The following NKD2 variants were observed in gnomAD, a reference collection of about 807,000 sequenced individuals.
The protein encoded by NKD2 is NKD inhibitor of Wnt signaling pathway 2, also known as protein naked cuticle homolog 2.
Under a neutral mutation model 34.8 loss-of-function variants are expected in NKD2, and 43 were observed. That is an observed-to-expected ratio of 1.24 (90% confidence interval 0.97 to 1.60). NKD2 has a LOEUF of 1.60. Among genes scored for constraint, NKD2 ranks in the 40% most tolerant of loss-of-function variants. NKD2 has a pLI of 0.00. For synonymous variants in NKD2, 278 were observed against 265.1 expected (o/e 1.05, Z -0.47); for missense variants, 675 against 627.1 (o/e 1.08, Z -0.82).
chr5:1,035,238 ATGAG>A (rs1450000555), intron 7 of NKD2, 147 bp from the exon 8 acceptor site: 16 of 689,186 alleles, frequency 2.3e-5, no homozygotes, highest in East Asian at 8.2e-5. Flanking sequence ...GAGTTAATGA[ATGAG>A]TGAACAAGTG....
chr5:1,030,060 C>A (rs911119128), intron 3 of NKD2, among the ~76,000 whole-genome samples: 2 of 150,986 alleles, frequency 1.3e-5, no homozygotes, highest in African/African-American at 4.9e-5. Flanking sequence ...CCACACAGGT[C>A]CCCTGCACCC....
intron 4 of NKD2, 84 bp downstream of exon 4, chr5:1,032,296 A>G: frequency 9.3e-7 from 1 of 1,078,494 alleles, no homozygotes. Context: ...CACCCTTAAA[A>G]CAACCCCGTG....
chr5:1,028,919 G>A (rs545841148), intron 3 of NKD2, among the ~76,000 whole-genome samples: 11 of 152,316 alleles, frequency 7.2e-5, no homozygotes, highest in African/African-American at 2.6e-4. Flanking sequence ...GGGGCACATT[G>A]GGCCAGGCCT....
Position 1,012,449 on chromosome 5 carries a change from G to A in NKD2, c.141+2889G>A, listed in dbSNP as rs112055643. Among the ~76,000 whole-genome samples, 337 of 152,330 alleles carry A rather than the reference G, an allele frequency of 2.2e-3. 2 individuals carry two copies. The highest frequency in any genetic ancestry group is 7.7e-3 in the African/African-American group (319 of 41,582). ...AGGTCCCAGCTTACAGGAGGCACTC[G>A]CCAGTCCCATCCCCATGCCACGGCC... On this transcript the variant is annotated intron_variant, in intron 3 of 9. Transcript: ENST00000296849.
chr5:1,020,690 T>C (rs1170411862), intron 3 of NKD2, among the ~76,000 whole-genome samples: 14 of 150,682 alleles, frequency 9.3e-5, no homozygotes, highest in Admixed American at 3.3e-4. Context: ...TTTTTTTTTT[T>C]CTGCATGTGT....
intron 3 of NKD2, among the ~76,000 whole-genome samples, chr5:1,011,967 G>A (rs1298933823): frequency 6.6e-6 from 1 of 152,242 alleles, no homozygotes; most frequent in East Asian, 1.9e-4. Flanking sequence ...AAGGTCTGGA[G>A]AGTGGATTGT....
intron 3 of NKD2, among the ~76,000 whole-genome samples, chr5:1,016,551 A>C (rs1385420763): frequency 1.3e-5 from 2 of 152,232 alleles, no homozygotes; most frequent in African/African-American, 4.8e-5. Context: ...TTCAAATTGG[A>C]GATTATTTTA....
rs1480398488 is a variant in NKD2 at position 1,037,916 on chromosome 5, A to G, written c.899A>G (p.Gln300Arg). ...CATGCCGTACACCACCGCAGGTCAC[A>G]GGTGCTGGTGGAACACGTCGTGCCA... is the stretch of plus-strand genomic sequence containing the variant. ...DTHAVHHRRS[Q>R]VLVEHVVPAS... The change falls in exon 10 of 10, where the codon CAG (glutamine) becomes CGG (arginine). Residue 300 changes from glutamine (Q) to arginine (R), a missense_variant. Coordinates refer to ENST00000296849, the MANE Select transcript of NKD2 (RefSeq NM_033120.4). 6.2e-7 allele frequency: 1 copy of G among 1,607,264 alleles called. No individual in the cohort carries two copies. Among genetic ancestry groups the G allele is most frequent in the East Asian group, 2.2e-5 (1 of 44,820 alleles).
intron 3 of NKD2, among the ~76,000 whole-genome samples, chr5:1,026,245 G>A (rs1363251869): frequency 3.7e-5 from 1 of 26,692 alleles, no homozygotes; most frequent in African/African-American, 7.4e-5. Flanking sequence ...GCTAGTGGGC[G>A]TCTCAGCCCA....
chr5:1,023,814 G>T (rs1348758284), intron 3 of NKD2, among the ~76,000 whole-genome samples: 1 of 3,602 alleles, frequency 2.8e-4, no homozygotes, highest in African/African-American at 3.0e-4. Flanking sequence ...CTTCCCACCC[G>T]CTGTGGGCGT....
At position 1,038,886 on chromosome 5, in the gene NKD2, C is replaced by T. The variant is rs758541879; in HGVS notation, c.*513C>T. On this transcript the variant is annotated 3_prime_UTR_variant, in exon 10 of 10. Transcript: ENST00000296849. This position sits in a 1 kb window ranked among gnomAD's most constrained non-coding sequence, Gnocchi z 4.5. The stretch of plus-strand genomic sequence containing the variant: ...CAGCTTGTGCTTAGCAGGGAGCATC[C>T]GCGGCTCCCCGCAGGAGGCCAAGCA... 33 of 247,202 alleles carry T rather than the reference C, an allele frequency of 1.3e-4. 1 individual carries two copies. The highest frequency in any genetic ancestry group is 8.8e-4 in the South Asian group (20 of 22,758). The allele number at this position is 247,202 out of a possible 1,614,324, so 15.3% of individuals were successfully genotyped here.
At chr5:1,021,503 A>G (rs1268140965) in intron 3 of NKD2, among the ~76,000 whole-genome samples, 4 of 150,788 alleles carry the variant, frequency 2.7e-5, no homozygotes, top group African/African-American at 9.8e-5. Context: ...AATAGCAAGC[A>G]CAGCCTGGAA....
intron 3 of NKD2, among the ~76,000 whole-genome samples, chr5:1,019,025 G>T (rs1195903375): frequency 6.6e-6 from 1 of 152,168 alleles, no homozygotes; most frequent in Admixed American, 6.5e-5. Context: ...GTGAGTCCTG[G>T]GTCAAAGGGC....
chr5:1,015,206 C>G (rs1380752434), intron 3 of NKD2, among the ~76,000 whole-genome samples: 1 of 152,220 alleles, frequency 6.6e-6, no homozygotes, highest in East Asian at 1.9e-4. Flanking sequence ...GGGCCTGATT[C>G]GTACTGCACA....
At chr5:1,027,547 T>A (rs1048699438) in intron 3 of NKD2, among the ~76,000 whole-genome samples, 12 of 152,138 alleles carry the variant, frequency 7.9e-5, no homozygotes, top group Admixed American at 7.9e-4. Context: ...TCCCAACTCG[T>A]GGGGAGACGT....
chr5:1,018,088 G>C (rs768938082), intron 3 of NKD2, among the ~76,000 whole-genome samples: 4 of 152,162 alleles, frequency 2.6e-5, no homozygotes, highest in Non-Finnish European at 4.4e-5. Flanking sequence ...CTGGAGGACG[G>C]GACGGTAGCA....
intron 3 of NKD2, among the ~76,000 whole-genome samples, chr5:1,023,167 A>G (rs185568828): frequency 0.011 from 19 of 1,672 alleles, no homozygotes; most frequent in Admixed American, 0.037. Flanking sequence ...CGCTGTGGGC[A>G]TCCCAGCCCA....
intron 9 of NKD2, chr5:1,036,949 C>T (rs1386527038): frequency 3.3e-6 from 1 of 305,118 alleles, no homozygotes; most frequent in Non-Finnish European, 6.1e-6. Context: ...GGCAGGCGGG[C>T]AGTGTGGACG....
intron 5 of NKD2, 29 bp from the exon 6 acceptor site, chr5:1,034,206 G>GAGGTCCC (rs771222479): frequency 1.5e-5 from 23 of 1,563,972 alleles, no homozygotes; most frequent in Non-Finnish European, 2.0e-5. Flanking sequence ...GGTAGGAGGC[G>GAGGTCCC]AGGTCCCGGC....
Sources: gnomAD v4.1 joint callset for allele counts (sites outside exome capture counted in the v4.1 genomes callset) on GRCh38, gnomAD v4.1.1 for gene constraint, Gnocchi (gnomAD v3.1) non-coding constraint, MANE v1.5 for transcripts, NCBI Gene and HGNC (gene_info 2026-07-23, HGNC 2026-07-21) for gene names.